The following SYT7 variants were observed in gnomAD, a reference collection of about 807,000 sequenced individuals.
The protein encoded by SYT7 is synaptotagmin-7.
A neutral mutation model predicts 75.1 loss-of-function variants in SYT7; 29 were observed. The ratio of observed to expected loss-of-function variants is 0.39; its 90% CI spans 0.29 to 0.53. SYT7 has a LOEUF of 0.53. Ranked by LOEUF, SYT7 falls within the 20% of genes least tolerant of loss-of-function variation. SYT7 has a pLI of 0.77. For missense variants in SYT7, 693 were observed against 953.2 expected (o/e 0.73, Z 3.59); for synonymous variants, 376 against 401.7 (o/e 0.94, Z 0.76).
intron 9 of SYT7, 145 bp downstream of exon 9, chr11:61,527,770 T>C: frequency 2.1e-6 from 2 of 957,524 alleles, no homozygotes; most frequent in South Asian, 3.0e-5. Flanking sequence ...TAAGTGTATC[T>C]GCTTGCATGT....
intron 8 of SYT7, among the ~76,000 whole-genome samples, chr11:61,528,880 C>T (rs866383261): frequency 3.3e-4 from 50 of 152,102 alleles, no homozygotes; most frequent in African/African-American, 1.4e-4. Context: ...ATGACTGTAC[C>T]GTCCATGGGG....
rs985394202 is a variant in SYT7 at position 61,515,939 on chromosome 11, C to T, written c.*2688G>A. On this transcript the variant is annotated 3_prime_UTR_variant, in exon 13 of 13. Coordinates refer to ENST00000539008, the MANE Select transcript of SYT7 (RefSeq NM_001365809.2). ...GTAATTACACTTTGCTCACGGGTAG[C>T]ACCTTCGGAGTCCTCCTGCCTTGAC... The T allele has an allele frequency of 2.0e-5, 3 of 152,650 alleles. No homozygotes were observed. The highest frequency in any genetic ancestry group is 6.5e-5 in the Admixed American group (1 of 15,288). 9.5% of individuals were successfully genotyped at this position (152,650 alleles called of 1,614,324 possible). A position where few individuals can be genotyped will look rare whatever the true frequency, so the allele number is the denominator to read the frequency against.
intron 1 of SYT7, among the ~76,000 whole-genome samples, chr11:61,568,031 G>C (rs1441953995): frequency 6.6e-6 from 1 of 152,188 alleles, no homozygotes; most frequent in African/African-American, 2.4e-5. Flanking sequence ...CCTTTCCTCT[G>C]TGGCAGGGCC....
Position 61,518,558 on chromosome 11 carries a change from T to C in SYT7, c.*69A>G. On this transcript the variant is annotated 3_prime_UTR_variant, in exon 13 of 13. Transcript: ENST00000539008. ...ATGGCAGGGGGCTCAGGCCGGGCGT[T>C]GTGCATAAAGTGGTGAGGGCATGAT... 8.6e-7 allele frequency: 1 copy of C among 1,163,590 alleles called. No individual in the cohort carries two copies. The highest frequency in any genetic ancestry group is 1.2e-6 in the Non-Finnish European group (1 of 838,962). 72.1% of individuals were successfully genotyped at this position (1,163,590 alleles called of 1,614,324 possible).
chr11:61,534,841 C>A (rs920694640), intron 7 of SYT7, among the ~76,000 whole-genome samples: 1 of 145,130 alleles, frequency 6.9e-6, no homozygotes, highest in Non-Finnish European at 1.5e-5. Flanking sequence ...GCACGCACCA[C>A]ATACACACAC....
chr11:61,544,730 G>A (rs928920570), intron 5 of SYT7, among the ~76,000 whole-genome samples: 2 of 152,208 alleles, frequency 1.3e-5, no homozygotes, highest in Non-Finnish European at 2.9e-5. Context: ...AGGCCTAACC[G>A]GCCTGGAGAC....
At chr11:61,535,577 C>G (rs2062845986) in intron 7 of SYT7, among the ~76,000 whole-genome samples, 1 of 152,170 alleles carries the variant, frequency 6.6e-6, no homozygotes, top group Admixed American at 6.5e-5. Context: ...GTGCCGAGGC[C>G]CAGGAGCTGA....
chr11:61,570,208 G>T (rs2063884988), intron 1 of SYT7, among the ~76,000 whole-genome samples: 1 of 152,242 alleles, frequency 6.6e-6, no homozygotes, highest in African/African-American at 2.4e-5. Flanking sequence ...GGTGGGTCCT[G>T]TTCCCTTCTG....
chr11:61,520,596 G>A (rs367666069), intron 12 of SYT7, among the ~76,000 whole-genome samples: 31 of 151,032 alleles, frequency 2.1e-4, no homozygotes, highest in Non-Finnish European at 1.2e-4. Flanking sequence ...AGGCCAAGGC[G>A]GGCGGATTGC....
In SYT7 at chr11:61,524,268, C is replaced by T. The variant is rs908545871; in HGVS notation, c.1641+95G>A. The T allele has an allele frequency of 6.8e-7, 1 of 1,479,006 alleles. No individual in the cohort carries two copies. The highest frequency in any genetic ancestry group is 9.2e-7 in the Non-Finnish European group (1 of 1,090,388). 91.6% of individuals were successfully genotyped at this position (1,479,006 alleles called of 1,614,324 possible). ...CCCATCTGCACCCTCTCCCACAGCC[C>T]TCCTGGCCTTCCTAAGGTTGACAAG... On this transcript the variant is annotated intron_variant, in intron 10 of 12. Coordinates refer to ENST00000539008, the MANE Select transcript of SYT7 (RefSeq NM_001365809.2). This position sits in a 1 kb window ranked among gnomAD's most constrained non-coding sequence, Gnocchi z 4.1.
At position 61,530,428 on chromosome 11, in the gene SYT7, A is replaced by C. The variant is rs148823929; in HGVS notation, c.1201-2243T>G. On this transcript the variant is annotated intron_variant, in intron 8 of 12. Transcript: ENST00000539008. ...TTTCCCGACGCTCTTTTCCCTGCTC[A>C]TGCCAGCCCCACACCCTTTGACCCT... Among the ~76,000 whole-genome samples the C allele has an allele frequency of 3.3e-5, 5 of 152,144 alleles. No homozygotes were observed. In the East Asian group the frequency reaches 9.7e-4, roughly 29 times the overall value.
At position 61,542,199 on chromosome 11, in the gene SYT7, G is replaced by A. The variant is rs1034184489; in HGVS notation, c.941+12C>T. 97 of 1,532,268 alleles carry A rather than the reference G, an allele frequency of 6.3e-5. No individual in the cohort carries two copies. The highest frequency in any genetic ancestry group is 8.4e-5 in the Non-Finnish European group (96 of 1,145,336). The allele number at this position is 1,532,268 out of a possible 1,614,324, so 94.9% of individuals were successfully genotyped here. A position where few individuals can be genotyped will look rare whatever the true frequency, so the allele number is the denominator to read the frequency against. ...GGAGGTGGGGGCCGGCCCGCTCAAG[G>A]GGAGGACTTACAGGAAGGATTTCAT... On this transcript the variant is annotated intron_variant, in intron 6 of 12. Coordinates refer to ENST00000539008, the MANE Select transcript of SYT7 (RefSeq NM_001365809.2). This position sits in a 1 kb window ranked among gnomAD's most constrained non-coding sequence, Gnocchi z 7.8.
At chr11:61,522,207 T>TC (rs398075974) in intron 12 of SYT7, among the ~76,000 whole-genome samples, 83 of 149,370 alleles carry the variant, frequency 5.6e-4, no homozygotes, top group African/African-American at 1.9e-3. Context: ...TTTTTTTTTT[T>TC]TCAGGCAGAG....
chr11:61,527,743 A>G (rs1429728333), intron 9 of SYT7, among the ~76,000 whole-genome samples, 172 bp downstream of exon 9: 1 of 151,828 alleles, frequency 6.6e-6, no homozygotes, highest in Non-Finnish European at 1.5e-5. Context: ...GCCTGTGCAC[A>G]CATGCAGGTG....
intron 1 of SYT7, among the ~76,000 whole-genome samples, chr11:61,571,062 A>C (rs1014301936): frequency 2.0e-5 from 3 of 152,350 alleles, no homozygotes; most frequent in Non-Finnish European, 4.4e-5. Flanking sequence ...GCCCAAGGCC[A>C]CAAAGCAAGT....
chr11:61,554,830 TTGCACACA>T (rs2063450270), intron 2 of SYT7, among the ~76,000 whole-genome samples: 1 of 152,014 alleles, frequency 6.6e-6, no homozygotes, highest in Admixed American at 6.5e-5. Context: ...ATGCACACAC[TTGCACACA>T]TGCACACACA....
rs1291027089 is a variant in SYT7, at chr11:61,553,486, G to C, written c.136-2023C>G. On this transcript the variant is annotated intron_variant, in intron 2 of 12. Transcript: ENST00000539008. This position sits in a 1 kb window ranked among gnomAD's most constrained non-coding sequence, Gnocchi z 5.2. ...GAAGGGCACGGTCAGCCCTTTCCGA[G>C]CAGCGCCCCCACAGACATCCTGGGA... 6.6e-6 allele frequency among the ~76,000 whole-genome samples: 1 copy of C among 152,230 alleles called. No homozygotes were observed. Among genetic ancestry groups the C allele is most frequent in the East Asian group, 1.9e-4 (1 of 5,184 alleles).
intron 1 of SYT7, among the ~76,000 whole-genome samples, chr11:61,562,856 A>T (rs1405287982): frequency 1.3e-5 from 2 of 151,184 alleles, no homozygotes; most frequent in African/African-American, 4.9e-5. Context: ...ACTCCTTCTC[A>T]TCTCCTCAGC....
chr11:61,564,277 C>T (rs183634382), intron 1 of SYT7, among the ~76,000 whole-genome samples: 2 of 152,306 alleles, frequency 1.3e-5, no homozygotes, highest in East Asian at 1.9e-4. Flanking sequence ...CATGCACACT[C>T]CCCACACCCA....
Sources: allele counts gnomAD v4.1 joint callset (sites outside exome capture counted in the v4.1 genomes callset), GRCh38; gene constraint gnomAD v4.1.1; non-coding constraint Gnocchi (gnomAD v3.1); transcripts MANE v1.5; gene names NCBI Gene and HGNC (gene_info 2026-07-23, HGNC 2026-07-21).